The following OCA2 variants were observed in gnomAD, a reference collection of about 807,000 sequenced individuals.
OCA2 encodes the protein P protein.
In OCA2, 77 loss-of-function variants were observed where a neutral mutation model predicts 100.2. The observed-to-expected ratio is 0.77, with a 90% CI of 0.64 to 0.93. The LOEUF is 0.93. Among genes scored for constraint, OCA2 ranks in the 40% least tolerant of loss-of-function variants. The pLI is 0.00. For synonymous variants in OCA2, 432 were observed against 439.2 expected (o/e 0.98, Z 0.21); for missense variants, 1,062 against 1,089.1 (o/e 0.98, Z 0.35).
At chr15:27,952,076 C>T (rs2040050514) in intron 17 of OCA2, among the ~76,000 whole-genome samples, 184 bp from the exon 18 acceptor site, 1 of 152,202 alleles carries the variant, frequency 6.6e-6, no homozygotes, top group South Asian at 2.1e-4. Flanking sequence ...AGGATTACTG[C>T]ATTCAAAATC....
At chr15:27,997,152 A>G (rs1475877365) in intron 9 of OCA2, among the ~76,000 whole-genome samples, 13 of 144,032 alleles carry the variant, frequency 9.0e-5, no homozygotes, top group Admixed American at 6.1e-4. Context: ...GAGAGAGAGA[A>G]AGAAAGAAAG....
intron 4 of OCA2, among the ~76,000 whole-genome samples, chr15:28,025,664 A>G (rs2042727715): frequency 6.6e-6 from 1 of 152,124 alleles, no homozygotes; most frequent in African/African-American, 2.4e-5. Flanking sequence ...GCCAGACCCC[A>G]TCACCCAATG....
At chr15:27,988,493 C>T (rs1193715858) in intron 11 of OCA2, among the ~76,000 whole-genome samples, 5 of 151,798 alleles carry the variant, frequency 3.3e-5, no homozygotes, top group African/African-American at 7.3e-5. Context: ...CAGAAACACA[C>T]GGGGAAGACA....
chr15:27,959,125 A>G (rs960903900), intron 15 of OCA2, among the ~76,000 whole-genome samples: 11 of 152,228 alleles, frequency 7.2e-5, no homozygotes, highest in African/African-American at 2.7e-4. Context: ...GAGCACCAGA[A>G]CTATTTCAGT....
chr15:28,058,515 AC>A (rs955206763), intron 2 of OCA2, among the ~76,000 whole-genome samples: 14 of 125,288 alleles, frequency 1.1e-4, no homozygotes, highest in African/African-American at 4.2e-4. Context: ...CCACCCTGCC[AC>A]CCTGTGCCCC....
intron 2 of OCA2, among the ~76,000 whole-genome samples, chr15:28,058,739 C>A (rs2043782342): frequency 6.6e-6 from 1 of 152,210 alleles, no homozygotes; most frequent in Non-Finnish European, 1.5e-5. Flanking sequence ...AGAAAATTGT[C>A]ACTATTTCAG....
intron 23 of OCA2, among the ~76,000 whole-genome samples, chr15:27,830,060 T>C (rs1295307880): frequency 6.6e-6 from 1 of 152,266 alleles, no homozygotes; most frequent in African/African-American, 2.4e-5. Context: ...TGAAATGATA[T>C]GATTCTGTAA....
the OCA2 span, among the ~76,000 whole-genome samples, chr15:27,735,577 A>C: frequency 6.6e-6 from 1 of 152,204 alleles, no homozygotes; most frequent in Admixed American, 6.5e-5. Flanking sequence ...TCAAACTGTC[A>C]AAAACCAAAA....
the OCA2 span, among the ~76,000 whole-genome samples, chr15:27,732,883 C>G: frequency 6.6e-6 from 1 of 152,216 alleles, no homozygotes; most frequent in Admixed American, 6.5e-5. Context: ...TTTTGCCCAA[C>G]AGGAAGAACT....
At chr15:27,879,934 T>C (rs1470200541) in intron 19 of OCA2, among the ~76,000 whole-genome samples, 1 of 152,254 alleles carries the variant, frequency 6.6e-6, no homozygotes, top group African/African-American at 2.4e-5. Context: ...TTTGTGCCTA[T>C]GTCCTGAATG....
At chr15:27,814,742 G>A (rs2034212653) in intron 23 of OCA2, among the ~76,000 whole-genome samples, 2 of 152,106 alleles carry the variant, frequency 1.3e-5, no homozygotes, top group Admixed American at 1.3e-4. Flanking sequence ...GCTGGGTGTG[G>A]TGATGGCCAC....
At chr15:27,794,625 A>G (rs1336251923) in intron 23 of OCA2, among the ~76,000 whole-genome samples, 1 of 152,182 alleles carries the variant, frequency 6.6e-6, no homozygotes, top group Non-Finnish European at 1.5e-5. Flanking sequence ...CGTTAGATAA[A>G]AGGAAGTGTG....
At chr15:28,049,261 C>A (rs1342403670) in intron 2 of OCA2, among the ~76,000 whole-genome samples, 1 of 151,956 alleles carries the variant, frequency 6.6e-6, no homozygotes, top group African/African-American at 2.4e-5. Flanking sequence ...AAATGTAAAG[C>A]AAAACTACTA....
At chr15:28,028,564 G>A (rs966077717) in intron 3 of OCA2, among the ~76,000 whole-genome samples, 14 of 152,078 alleles carry the variant, frequency 9.2e-5, no homozygotes, top group Non-Finnish European at 2.1e-4. Flanking sequence ...GGGAACATTC[G>A]TACCTGACTA....
chr15:28,078,904 G>C (rs2044521925), intron 2 of OCA2, among the ~76,000 whole-genome samples: 1 of 152,164 alleles, frequency 6.6e-6, no homozygotes, highest in African/African-American at 2.4e-5. Context: ...AAAATACCGA[G>C]TAACCAGTTT....
At chr15:28,081,298 T>G (rs1294130001) in intron 2 of OCA2, among the ~76,000 whole-genome samples, 1 of 152,216 alleles carries the variant, frequency 6.6e-6, no homozygotes, top group Non-Finnish European at 1.5e-5. Flanking sequence ...TGAAAAACAA[T>G]ACTCAGTTAA....
At chr15:27,725,932 A>C in the OCA2 span, among the ~76,000 whole-genome samples, 1 of 152,118 alleles carries the variant, frequency 6.6e-6, no homozygotes, top group Admixed American at 6.6e-5. Context: ...AGCATCTGTC[A>C]GCTGTGCCCT....
intron 14 of OCA2, among the ~76,000 whole-genome samples, chr15:27,982,554 G>A (rs1028471551): frequency 6.6e-6 from 1 of 152,198 alleles, no homozygotes; most frequent in Non-Finnish European, 1.5e-5. Context: ...AACCTCTGGA[G>A]CGCACTGCTT....
chr15:27,989,884 GT>G (rs1233337105), intron 10 of OCA2, among the ~76,000 whole-genome samples: 1 of 152,154 alleles, frequency 6.6e-6, no homozygotes, highest in East Asian at 1.9e-4. Flanking sequence ...TAGTAATAAA[GT>G]TTTTTCTAGC....
Sources: gnomAD v4.1 joint callset for allele counts (sites outside exome capture counted in the v4.1 genomes callset) on GRCh38, gnomAD v4.1.1 for gene constraint, MANE v1.5 for transcripts, NCBI Gene and HGNC (gene_info 2026-07-23, HGNC 2026-07-21) for gene names.